Variants in PXDNL observed in about 807,000 individuals in gnomAD.
The protein encoded by PXDNL is probable oxidoreductase PXDNL.
Under a neutral mutation model 150.8 loss-of-function variants are expected in PXDNL, and 145 were observed. The observed-to-expected ratio is 0.96, with a 90% CI of 0.84 to 1.10. PXDNL has a LOEUF of 1.10. Ranked by LOEUF, PXDNL falls within the 50% of genes least tolerant of loss-of-function variation. The pLI is 0.00. For missense variants in PXDNL, 2,087 were observed against 1,873.9 expected (o/e 1.11, Z -2.10); for synonymous variants, 757 against 725.7 (o/e 1.04, Z -0.69).
intron 2 of PXDNL, among the ~76,000 whole-genome samples, chr8:51,641,669 C>G (rs1382963943): frequency 6.6e-6 from 1 of 151,228 alleles, no homozygotes; most frequent in Non-Finnish European, 1.5e-5. Context: ...CCATCTCACA[C>G]CAGTTAGAAT....
chr8:51,486,771 TATATATATATATA>T (rs1810753430), intron 5 of PXDNL, among the ~76,000 whole-genome samples: 1 of 8,818 alleles, frequency 1.1e-4, no homozygotes, highest in Non-Finnish European at 3.6e-4. Context: ...TATATATATA[TATATATATATATA>T]TATATATATA....
chr8:51,759,982 C>A (rs559648148), intron 1 of PXDNL, among the ~76,000 whole-genome samples: 1 of 152,342 alleles, frequency 6.6e-6, no homozygotes, highest in Admixed American at 6.5e-5. Flanking sequence ...TCTCTAACTT[C>A]TCTATCAGTT....
At chr8:51,350,137 G>T (rs562182595) in intron 19 of PXDNL, among the ~76,000 whole-genome samples, 2 of 151,892 alleles carry the variant, frequency 1.3e-5, no homozygotes, top group Admixed American at 1.3e-4. Flanking sequence ...CAAAAAAGAA[G>T]AGAAAGAAAA....
At chr8:51,500,792 A>G (rs921760883) in intron 4 of PXDNL, among the ~76,000 whole-genome samples, 3 of 152,224 alleles carry the variant, frequency 2.0e-5, no homozygotes, top group Non-Finnish European at 4.4e-5. Flanking sequence ...TGTCAATGGG[A>G]AGCTCTCTGA....
intron 21 of PXDNL, among the ~76,000 whole-genome samples, chr8:51,322,056 C>T (rs1015575092): frequency 1.3e-5 from 2 of 152,104 alleles, no homozygotes; most frequent in South Asian, 2.1e-4. Flanking sequence ...GCTCACACAG[C>T]GAAGGCCATG....
intron 4 of PXDNL, among the ~76,000 whole-genome samples, chr8:51,536,287 T>C (rs567960053): frequency 6.6e-6 from 1 of 152,340 alleles, no homozygotes; most frequent in East Asian, 1.9e-4. Context: ...AAAAAAACCT[T>C]GTACTAAGTC....
At chr8:51,762,557 G>A (rs1020830370) in intron 1 of PXDNL, among the ~76,000 whole-genome samples, 1 of 152,128 alleles carries the variant, frequency 6.6e-6, no homozygotes, top group Non-Finnish European at 1.5e-5. Flanking sequence ...TTGATCCCAG[G>A]TCTTTAGACA....
intron 21 of PXDNL, among the ~76,000 whole-genome samples, chr8:51,326,753 G>T (rs1470142940): frequency 6.6e-6 from 1 of 152,044 alleles, no homozygotes; most frequent in African/African-American, 2.4e-5. Flanking sequence ...CTGCATTCCA[G>T]AAGTATCCTT....
chr8:51,735,904 G>T (rs577085595), intron 1 of PXDNL, among the ~76,000 whole-genome samples: 1 of 152,264 alleles, frequency 6.6e-6, no homozygotes, highest in South Asian at 2.1e-4. Flanking sequence ...AGAGATAAAA[G>T]TTCTATAACT....
chr8:51,370,543 G>C (rs1480538908), intron 19 of PXDNL, among the ~76,000 whole-genome samples: 6 of 152,170 alleles, frequency 3.9e-5, no homozygotes, highest in Non-Finnish European at 8.8e-5. Context: ...CACCCTCCCC[G>C]GGGTACCACA....
intron 11 of PXDNL, among the ~76,000 whole-genome samples, chr8:51,447,390 G>A (rs984077651): frequency 1.9e-4 from 29 of 152,138 alleles, no homozygotes; most frequent in African/African-American, 5.8e-4. Context: ...TCTGTCACCA[G>A]AACAGCCCAG....
intron 1 of PXDNL, among the ~76,000 whole-genome samples, chr8:51,655,626 C>T (rs920717322): frequency 2.0e-5 from 3 of 152,086 alleles, no homozygotes; most frequent in Non-Finnish European, 2.9e-5. Flanking sequence ...TCTTCCTGCC[C>T]GGAACAGGGT....
intron 3 of PXDNL, among the ~76,000 whole-genome samples, chr8:51,565,650 T>C (rs946156983): frequency 2.6e-5 from 4 of 151,940 alleles, no homozygotes; most frequent in African/African-American, 9.7e-5. Flanking sequence ...ACACCTTTGC[T>C]TTCTGATGGT....
intron 19 of PXDNL, among the ~76,000 whole-genome samples, chr8:51,359,814 C>T (rs548752827): frequency 2.0e-5 from 3 of 152,056 alleles, no homozygotes; most frequent in Non-Finnish European, 4.4e-5. Context: ...AGACTGGCAC[C>T]TATCGCACCT....
chr8:51,788,427 C>T (rs928407249), intron 1 of PXDNL, among the ~76,000 whole-genome samples: 1 of 152,122 alleles, frequency 6.6e-6, no homozygotes, highest in Non-Finnish European at 1.5e-5. Context: ...CAAGGAAAGC[C>T]TTTGGAGTGG....
At chr8:51,340,930 G>T (rs1413261702) in intron 20 of PXDNL, among the ~76,000 whole-genome samples, 1 of 152,200 alleles carries the variant, frequency 6.6e-6, no homozygotes, top group Admixed American at 6.5e-5. Context: ...CTAATCAAAG[G>T]TATTTAATCC....
chr8:51,636,181 A>C (rs1278720960), intron 2 of PXDNL, among the ~76,000 whole-genome samples: 8 of 152,236 alleles, frequency 5.3e-5, no homozygotes, highest in Non-Finnish European at 2.9e-5. Context: ...ATACTCAAAA[A>C]ACAAGTAATA....
At chr8:51,628,283 C>G (rs1418469408) in intron 2 of PXDNL, among the ~76,000 whole-genome samples, 1 of 151,878 alleles carries the variant, frequency 6.6e-6, no homozygotes, top group African/African-American at 2.4e-5. Flanking sequence ...CTGAAGGAGT[C>G]CCCAGGCACA....
intron 1 of PXDNL, among the ~76,000 whole-genome samples, chr8:51,792,745 C>G (rs1467880302): frequency 6.6e-6 from 1 of 152,200 alleles, no homozygotes; most frequent in East Asian, 1.9e-4. Context: ...TCAGGCCAGA[C>G]CTTGACCCAG....
Sources: allele counts gnomAD v4.1 joint callset (sites outside exome capture counted in the v4.1 genomes callset), GRCh38; gene constraint gnomAD v4.1.1; transcripts MANE v1.5; gene names NCBI Gene and HGNC (gene_info 2026-07-23, HGNC 2026-07-21).